SCRIB: variants seen among roughly 807,000 people sequenced by gnomAD.
SCRIB encodes the protein protein scribble homolog.
SCRIB carries 72 observed loss-of-function variants against 170.0 expected under a neutral mutation model. That is an observed-to-expected ratio of 0.42 (90% CI 0.35 to 0.52). The LOEUF is 0.52. Among genes scored for constraint, SCRIB ranks in the 20% least tolerant of loss-of-function variants. The pLI, the probability that SCRIB is intolerant of heterozygous loss-of-function variation, is 0.02. For synonymous variants in SCRIB, 1,298 were observed against 1,044.3 expected (o/e 1.24, Z -4.68); for missense variants, 2,475 against 2,338.5 (o/e 1.06, Z -1.20).
In SCRIB at chr8:143,812,370, G is replaced by A. The variant is rs1194485048; in HGVS notation, c.802C>T (p.Leu268=). The A allele has an allele frequency of 3.7e-6, 6 of 1,612,284 alleles. No individual in the cohort carries two copies. The highest frequency in any genetic ancestry group is 4.5e-5 in the East Asian group (2 of 44,880). The change falls in exon 9 of 37, where the codon CTA becomes TTA. Residue 268 remains leucine, a synonymous_variant. Transcript: ENST00000356994. Reference sequence around the variant, plus strand: ...TTCTGGTCTACCTTTAGGATGGATAGCTGCTTCAGCTGACCTGGCGTCGGG... The same window carrying A: ...TTCTGGTCTACCTTTAGGATGGATAACTGCTTCAGCTGACCTGGCGTCGGG... ...LPDGIGQLKQ[L]SILKVDQNRL...
rs782560507 is a variant in SCRIB at position 143,803,432 on chromosome 8, G to A, written c.3554C>T (p.Thr1185Ile). The A allele has an allele frequency of 6.9e-6, 11 of 1,596,180 alleles. No homozygotes were observed. The Admixed American group carries it at 1.7e-4, about 24-fold the overall frequency. The change falls in exon 24 of 37, where the codon ACC becomes ATC. Residue 1185 changes from threonine (T) to isoleucine (I), a missense_variant. Coordinates refer to ENST00000356994, the MANE Select transcript of SCRIB (RefSeq NM_182706.5). ...QLLRSVGDTL[T>I]VLVCDGFEAS... ...CTCAAAGCCGTCACAGACCAGCACG[G>A]TGAGGGTGTCGCCCACACTGCGGAG...
chr8:143,808,933 G>T lies in SCRIB; in HGVS notation c.1791C>A (p.Gly597=), dbSNP rs770599690. 6.2e-7 allele frequency: 1 copy of T among 1,612,086 alleles called. No homozygotes were observed. Among genetic ancestry groups the T allele is most frequent in the Non-Finnish European group, 8.5e-7 (1 of 1,179,976 alleles). The change falls in exon 15 of 37, where the codon GGC becomes GGA. Residue 597 remains glycine, a synonymous_variant. Coordinates refer to ENST00000356994, the MANE Select transcript of SCRIB (RefSeq NM_182706.5). ...CCTTGCGGATGAGCCGCTGCCTCCC[G>T]CCTGGCAGGGTCCAGGGGGCCTCAG... ...GQPEAPWTLP[G]GRQRLIRKDT... is the part of the protein sequence containing the mutation.
Position 143,795,064 on chromosome 8 carries a change from C to A in SCRIB, c.3820G>T (p.Val1274Leu). The change falls in exon 27 of 37, where the codon GTG becomes TTG. Residue 1274 changes from valine (V) to leucine (L), a missense_variant. This residue lies in a region of SCRIB where 1,966 missense variants were observed against 1,742.9 expected (regional missense o/e 1.13). Coordinates refer to ENST00000356994, the MANE Select transcript of SCRIB (RefSeq NM_182706.5). ...CTCTGCACGCTGCCAGCGCTGGGCA[C>A]GGCGGCCAGGGCGCGGTAGTCCAGC... ...LKLDYRALAA[V>L]PSAGSVQRVP... 6.2e-7 allele frequency: 1 copy of A among 1,611,134 alleles called. No individual in the cohort carries two copies. The highest frequency in any genetic ancestry group is 1.1e-5 in the South Asian group (1 of 90,970).
At position 143,808,922 on chromosome 8, in the gene SCRIB, C is replaced by G; in HGVS notation, c.1802G>C (p.Arg601Pro). ...GTGAGGTGTGTCCTTGCGGATGAGC[C>G]GCTGCCTCCCGCCTGGCAGGGTCCA... ...APWTLPGGRQRLIRKDTPHYK... is the reference protein window; with the variant it reads ...APWTLPGGRQPLIRKDTPHYK... Residue 601 changes from arginine to proline, a missense_variant, in exon 15 of 37, where the codon CGG becomes CCG. Physicochemically the swap from Arg to Pro is moderately radical, Grantham distance 103. This residue lies in a region of SCRIB where 1,966 missense variants were observed against 1,742.9 expected (regional missense o/e 1.13). Coordinates refer to ENST00000356994, the MANE Select transcript of SCRIB (RefSeq NM_182706.5). The G allele has an allele frequency of 6.2e-7, 1 of 1,611,550 alleles. No individual in the cohort carries two copies. Among genetic ancestry groups the G allele is most frequent in the Admixed American group, 1.7e-5 (1 of 60,024 alleles).
In SCRIB at chr8:143,792,469, G is replaced by T. The variant is rs1554633097; in HGVS notation, c.4328+16C>A. 1 of 1,525,248 alleles carries T rather than the reference G, an allele frequency of 6.6e-7. No individual in the cohort carries two copies. The highest frequency in any genetic ancestry group is 1.9e-5 in the Admixed American group (1 of 51,838). 94.5% of individuals were successfully genotyped at this position (1,525,248 alleles called of 1,614,324 possible). On this transcript the variant is annotated intron_variant, in intron 31 of 36. Coordinates refer to ENST00000356994, the MANE Select transcript of SCRIB (RefSeq NM_182706.5). ...ACGTGGGGTGAGTAGGGGGCGTCTGGTGGGCGGGTGCTCACCTTGAGGTGG... is the reference window on the plus strand; with the variant it reads ...ACGTGGGGTGAGTAGGGGGCGTCTGTTGGGCGGGTGCTCACCTTGAGGTGG...
In SCRIB at chr8:143,794,237, G is replaced by A. The variant is rs537282058; in HGVS notation, c.3847-275C>T. On this transcript the variant is annotated intron_variant, in intron 27 of 36. Coordinates refer to ENST00000356994, the MANE Select transcript of SCRIB (RefSeq NM_182706.5). ...AGAGATGGGAGCAGACAGGACAGCC[G>A]GAGAAGAGAGCAGGGAGGGCTCGGG... 199 of 469,464 alleles carry A rather than the reference G, an allele frequency of 4.2e-4. 5 individuals carry two copies. The South Asian group carries it at 6.7e-3, about 16-fold the overall frequency. The allele number at this position is 469,464 out of a possible 1,614,324, so 29.1% of individuals were successfully genotyped here.
chr8:143,804,447 G>A lies in SCRIB; in HGVS notation c.3009+121C>T, dbSNP rs1815317582. On this transcript the variant is annotated intron_variant, in intron 21 of 36. Transcript: ENST00000356994. ...CAGCCTCAAGGAGCTGCAGGGGAAA[G>A]GGCGAGCAGGCCGGCTTCCCACCTG... 5 of 1,071,118 alleles carry A rather than the reference G, an allele frequency of 4.7e-6. 1 individual carries two copies. Among genetic ancestry groups the A allele is most frequent in the African/African-American group, 3.2e-5 (2 of 62,792 alleles). 66.4% of individuals were successfully genotyped at this position (1,071,118 alleles called of 1,614,324 possible).
In SCRIB at chr8:143,811,357, G is replaced by A. The variant is rs745434810; in HGVS notation, c.907-12C>T. The A allele has an allele frequency of 5.0e-6, 8 of 1,607,950 alleles. No homozygotes were observed. Among genetic ancestry groups the A allele is most frequent in the South Asian group, 3.3e-5 (3 of 90,800 alleles). Reference sequence around the variant, plus strand: ...GAGCGGGGCAGGGCCTGGCCAAGAAGAGGAGGTCAGAGGACGCTAGGGGCT... The same window carrying A: ...GAGCGGGGCAGGGCCTGGCCAAGAAAAGGAGGTCAGAGGACGCTAGGGGCT... On this transcript the variant is annotated splice_polypyrimidine_tract_variant and intron_variant, in intron 9 of 36. Coordinates refer to ENST00000356994, the MANE Select transcript of SCRIB (RefSeq NM_182706.5).
rs1018185850 is a variant in SCRIB, at chr8:143,793,552, G to A, written c.3909+348C>T. On this transcript the variant is annotated intron_variant, in intron 28 of 36. Coordinates refer to ENST00000356994, the MANE Select transcript of SCRIB (RefSeq NM_182706.5). The stretch of plus-strand genomic sequence containing the variant: ...CCCCCACGTGGCAGTGTGTTGGGAG[G>A]TGCCAACAGTGGGGGGGCAAGGACC... 3.5e-5 allele frequency: 12 copies of A among 343,378 alleles called. No individual in the cohort carries two copies. The East Asian group carries it at 5.8e-4, about 17-fold the overall frequency. The allele number at this position is 343,378 out of a possible 1,614,324, so 21.3% of individuals were successfully genotyped here.
intron 1 of SCRIB, chr8:143,814,921 T>C (rs1046741397): frequency 7.1e-6 from 3 of 423,294 alleles, no homozygotes; most frequent in African/African-American, 2.1e-5. Flanking sequence ...TGAATCCAAG[T>C]TCCACCCTAA....
chr8:143,812,965 C>T lies in SCRIB; in HGVS notation c.643-4G>A, dbSNP rs199502882. On this transcript the variant is annotated splice_polypyrimidine_tract_variant and splice_region_variant and intron_variant, in intron 7 of 36. Coordinates refer to ENST00000356994, the MANE Select transcript of SCRIB (RefSeq NM_182706.5). The stretch of plus-strand genomic sequence containing the variant: ...GGCGCCGCAGGTTCCCGAGCTCCTG[C>T]AGGTGGGCAGAGAGTCAGAGCGCGG... 234 of 1,612,534 alleles carry T rather than the reference C, an allele frequency of 1.5e-4. No homozygotes were observed. The highest frequency in any genetic ancestry group is 1.9e-4 in the Non-Finnish European group (224 of 1,179,858).
At chr8:143,807,516 G>A (rs1554636902) in intron 16 of SCRIB, 36 bp downstream of exon 16, 18 of 1,565,992 alleles carry the variant, frequency 1.1e-5, no homozygotes, top group African/African-American at 1.4e-5. Flanking sequence ...AAGGCCAGCA[G>A]CGGCCCGGCC....
intron 34 of SCRIB, 45 bp from the exon 35 acceptor site, chr8:143,791,785 G>T (rs782685432): frequency 4.0e-6 from 6 of 1,503,518 alleles, no homozygotes; most frequent in Admixed American, 1.8e-5. Flanking sequence ...TGAGAGGAAA[G>T]GGGGGGATGA....
rs1554632446 is a variant in SCRIB at position 143,791,076 on chromosome 8, T to TAA, written c.*85_*86dup. The TAA allele has an allele frequency of 4.6e-6, 6 of 1,317,516 alleles. No homozygotes were observed. In the Admixed American group the frequency reaches 1.4e-4, roughly 32 times the overall value. The allele number at this position is 1,317,516 out of a possible 1,614,324, so 81.6% of individuals were successfully genotyped here. A position where few individuals can be genotyped will look rare whatever the true frequency, so the allele number is the denominator to read the frequency against. On this transcript the variant is annotated 3_prime_UTR_variant, in exon 37 of 37. Coordinates refer to ENST00000356994, the MANE Select transcript of SCRIB (RefSeq NM_182706.5). The stretch of plus-strand genomic sequence containing the variant: ...CTCCTGTGGGGTCTCTTTAAAATGC[T>TAA]AACACCCAGGTTAAAAGACTTGGGG...
Position 143,806,574 on chromosome 8 carries a change from C to T in SCRIB, c.2269-90G>A. The T allele has an allele frequency of 3.8e-6, 4 of 1,059,492 alleles. No homozygotes were observed. In the South Asian group the frequency reaches 4.1e-5, roughly 11 times the overall value. 65.6% of individuals were successfully genotyped at this position (1,059,492 alleles called of 1,614,324 possible). The stretch of plus-strand genomic sequence containing the variant: ...AGAAGACCCAGGAGGGGAAGACCCA[C>T]TCCCAGCAGCCCCTAGCCCTGGCCA... On this transcript the variant is annotated intron_variant, in intron 17 of 36. Coordinates refer to ENST00000356994, the MANE Select transcript of SCRIB (RefSeq NM_182706.5).
At chr8:143,800,554 G>A (rs1486901449) in intron 24 of SCRIB, among the ~76,000 whole-genome samples, 1 of 152,218 alleles carries the variant, frequency 6.6e-6, no homozygotes, top group African/African-American at 2.4e-5. Flanking sequence ...AGCCACCGGG[G>A]GACACCCTAG....
chr8:143,808,195 G>A lies in SCRIB; in HGVS notation c.2115+414C>T, dbSNP rs572421756. On this transcript the variant is annotated intron_variant, in intron 15 of 36. Coordinates refer to ENST00000356994, the MANE Select transcript of SCRIB (RefSeq NM_182706.5). The stretch of plus-strand genomic sequence containing the variant: ...ACGACACATGTAGACAGGCCCTGGA[G>A]ACCCACAAAGAGTGGGCAGCCATGC... Among the ~76,000 whole-genome samples the A allele has an allele frequency of 2.5e-3, 382 of 152,362 alleles. 2 individuals are homozygous for A. The highest frequency in any genetic ancestry group is 8.7e-3 in the African/African-American group (363 of 41,590).
At chr8:143,797,720 G>A (rs1170958360) in intron 24 of SCRIB, among the ~76,000 whole-genome samples, 3 of 152,258 alleles carry the variant, frequency 2.0e-5, no homozygotes, top group African/African-American at 7.2e-5. Context: ...ACTGCAGGCA[G>A]GGCCTACGCC....
In SCRIB at chr8:143,791,671, T is replaced by A. The variant is rs1563785713; in HGVS notation, c.4765A>T (p.Ile1589Phe). The A allele has an allele frequency of 6.2e-7, 1 of 1,604,818 alleles. No individual in the cohort carries two copies. The highest frequency in any genetic ancestry group is 1.7e-5 in the Admixed American group (1 of 59,772). Residue 1589 changes from isoleucine to phenylalanine, a missense_variant, in exon 35 of 37, where the codon ATC (isoleucine) becomes TTC (phenylalanine). Coordinates refer to ENST00000356994, the MANE Select transcript of SCRIB (RefSeq NM_182706.5). ...GAGGCCTGGAGGCCAGGTACCTGGA[T>A]GTCATAGACAGGTCTGGAAGAAGGC... ...ALPSSRPVYD[I>F]QSPDFAEELR... is the part of the protein sequence containing the mutation.
Sources: gnomAD v4.1 joint callset for allele counts (sites outside exome capture counted in the v4.1 genomes callset) on GRCh38, gnomAD v4.1.1 for gene constraint, gnomAD v4.1.1 regional missense constraint, MANE v1.5 for transcripts, NCBI Gene and HGNC (gene_info 2026-07-23, HGNC 2026-07-21) for gene names.